Variants in LRFN2 observed in about 807,000 individuals in gnomAD.
LRFN2 encodes the protein leucine rich repeat and fibronectin type III domain containing 2.
A neutral mutation model predicts 37.3 loss-of-function variants in LRFN2; 18 were observed. That is an observed-to-expected ratio of 0.48 (90% CI 0.33 to 0.72). The LOEUF (loss-of-function observed/expected upper bound fraction) is 0.72, where lower values mean the gene tolerates loss of function less well. Among genes scored for constraint, LRFN2 ranks in the 30% least tolerant of loss-of-function variants. The probability of loss-of-function intolerance (pLI) is 0.02; values close to 1 mark genes in which losing one functional copy is unlikely to be tolerated. For synonymous variants in LRFN2, 556 were observed against 466.6 expected (o/e 1.19, Z -2.47); for missense variants, 1,006 against 1,060.7 (o/e 0.95, Z 0.72).
chr6:40,425,368 C>T (rs1405816679), intron 2 of LRFN2, among the ~76,000 whole-genome samples: 5 of 152,216 alleles, frequency 3.3e-5, no homozygotes, highest in Non-Finnish European at 7.3e-5. Flanking sequence ...GGGATCATTC[C>T]AACATCACGC....
intron 1 of LRFN2, among the ~76,000 whole-genome samples, chr6:40,498,341 G>T (rs1356458268): frequency 6.6e-6 from 1 of 152,102 alleles, no homozygotes; most frequent in African/African-American, 2.4e-5. Context: ...TGGCTGAAGG[G>T]GTCTACAATT....
chr6:40,537,243 G>A (rs977512051), intron 1 of LRFN2, among the ~76,000 whole-genome samples: 39 of 152,336 alleles, frequency 2.6e-4, no homozygotes, highest in Middle Eastern at 3.4e-3. Context: ...TAAGGCCCAT[G>A]GGGGCAGGAA....
intron 1 of LRFN2, among the ~76,000 whole-genome samples, chr6:40,533,391 A>ACG (rs987949486): frequency 2.0e-5 from 3 of 151,684 alleles, no homozygotes; most frequent in African/African-American, 7.3e-5. Flanking sequence ...ACACACACAC[A>ACG]CACACACACA....
At chr6:40,436,314 TA>T (rs1763673989) in intron 1 of LRFN2, among the ~76,000 whole-genome samples, 1 of 152,220 alleles carries the variant, frequency 6.6e-6, no homozygotes, top group African/African-American at 2.4e-5. Flanking sequence ...TTTTTGTAAA[TA>T]AAATTTTATT....
Position 40,432,883 on chromosome 6 carries a change from C to A in LRFN2, c.231G>T (p.Gly77=). The change falls in exon 2 of 3, where the codon GGG becomes GGT. Residue 77 remains glycine (G), a synonymous_variant. Coordinates refer to ENST00000338305, the MANE Select transcript of LRFN2 (RefSeq NM_020737.3). The part of the protein sequence containing the change: ...ISRQDFANMT[G]LVDLTLSRNT... Reference sequence around the variant, plus strand: ...TCCTGGACAGGGTCAGGTCCACCAGCCCCGTCATGTTGGCAAAGTCCTGGC... The same window carrying A: ...TCCTGGACAGGGTCAGGTCCACCAGACCCGTCATGTTGGCAAAGTCCTGGC... The A allele has an allele frequency of 6.2e-7, 1 of 1,614,240 alleles. No homozygotes were observed. The highest frequency in any genetic ancestry group is 8.5e-7 in the Non-Finnish European group (1 of 1,180,050).
chr6:40,521,709 G>A (rs1215849310), intron 1 of LRFN2, among the ~76,000 whole-genome samples: 3 of 152,158 alleles, frequency 2.0e-5, no homozygotes, highest in African/African-American at 7.2e-5. Flanking sequence ...GGGCTGTACT[G>A]TATCACGTGC....
intron 1 of LRFN2, among the ~76,000 whole-genome samples, chr6:40,516,929 T>C (rs1379540038): frequency 1.3e-5 from 2 of 152,176 alleles, no homozygotes; most frequent in Non-Finnish European, 2.9e-5. Context: ...ATTCCTTCCA[T>C]AGCTATTTTT....
rs146375011 is a variant in LRFN2, at chr6:40,407,374, T to C, written c.1401-14462A>G. ...AAGGCTAGTTCTGCCCCCGACCAGATGTGTGACTGTAGACCATGTGACTTT... is the reference window on the plus strand; with the variant it reads ...AAGGCTAGTTCTGCCCCCGACCAGACGTGTGACTGTAGACCATGTGACTTT... On this transcript the variant is annotated intron_variant, in intron 2 of 2. Coordinates refer to ENST00000338305, the MANE Select transcript of LRFN2 (RefSeq NM_020737.3). Among the ~76,000 whole-genome samples, 305 of 152,346 alleles carry C rather than the reference T, an allele frequency of 2.0e-3. 1 individual carries two copies. The highest frequency in any genetic ancestry group is 7.1e-3 in the African/African-American group (297 of 41,572).
intron 1 of LRFN2, among the ~76,000 whole-genome samples, chr6:40,453,635 TA>T (rs899982037): frequency 1.1e-4 from 17 of 151,906 alleles, no homozygotes; most frequent in African/African-American, 3.9e-4. Context: ...TCCTCTGAGT[TA>T]AAAAGACACT....
chr6:40,518,496 C>T (rs541343197), intron 1 of LRFN2, among the ~76,000 whole-genome samples: 40 of 152,288 alleles, frequency 2.6e-4, no homozygotes, highest in South Asian at 1.9e-3. Context: ...TCCTATGCTG[C>T]TCCCTCCTTG....
chr6:40,542,595 C>T (rs1426541192), intron 1 of LRFN2, among the ~76,000 whole-genome samples: 5 of 152,084 alleles, frequency 3.3e-5, no homozygotes, highest in East Asian at 1.9e-4. Context: ...GGGCTCTGCA[C>T]CCTGGGCCTC....
At chr6:40,520,216 C>G (rs1326191664) in intron 1 of LRFN2, among the ~76,000 whole-genome samples, 1 of 152,034 alleles carries the variant, frequency 6.6e-6, no homozygotes, top group Non-Finnish European at 1.5e-5. Context: ...AAACAGGAAG[C>G]CCAGCCCGAG....
At chr6:40,556,752 C>T (rs559955738) in intron 1 of LRFN2, among the ~76,000 whole-genome samples, 7 of 110,636 alleles carry the variant, frequency 6.3e-5, no homozygotes, top group Admixed American at 8.5e-5. Context: ...CACACACACA[C>T]GCACACACTC....
At chr6:40,568,883 G>T (rs564088313) in intron 1 of LRFN2, among the ~76,000 whole-genome samples, 1 of 152,064 alleles carries the variant, frequency 6.6e-6, no homozygotes, top group Non-Finnish European at 1.5e-5. Context: ...CACCATGCCC[G>T]GCTAATTTTG....
chr6:40,532,785 G>A (rs1013208933), intron 1 of LRFN2, among the ~76,000 whole-genome samples: 1 of 152,178 alleles, frequency 6.6e-6, no homozygotes, highest in African/African-American at 2.4e-5. Context: ...CTCTCCAACT[G>A]GGATGGGAGC....
intron 1 of LRFN2, among the ~76,000 whole-genome samples, chr6:40,450,181 C>T (rs1321636311): frequency 3.3e-5 from 5 of 152,236 alleles, no homozygotes; most frequent in African/African-American, 1.2e-4. Context: ...CCTTACCCCA[C>T]CACTGACTTT....
chr6:40,485,987 C>G (rs915487665), intron 1 of LRFN2, among the ~76,000 whole-genome samples: 1 of 152,220 alleles, frequency 6.6e-6, no homozygotes, highest in African/African-American at 2.4e-5. Context: ...GGAACTCAGC[C>G]CCCACTGGAG....
chr6:40,516,891 T>A (rs889735946), intron 1 of LRFN2, among the ~76,000 whole-genome samples: 4 of 152,090 alleles, frequency 2.6e-5, no homozygotes, highest in African/African-American at 9.7e-5. Flanking sequence ...GCCAGGAAGG[T>A]CTCATCCTCA....
At chr6:40,531,867 A>C (rs985508666) in intron 1 of LRFN2, among the ~76,000 whole-genome samples, 1 of 152,058 alleles carries the variant, frequency 6.6e-6, no homozygotes, top group Non-Finnish European at 1.5e-5. Flanking sequence ...ATGCCCTGAC[A>C]CAACCCATCA....
Sources: gnomAD v4.1 joint callset for allele counts (sites outside exome capture counted in the v4.1 genomes callset) on GRCh38, gnomAD v4.1.1 for gene constraint, MANE v1.5 for transcripts, NCBI Gene and HGNC (gene_info 2026-07-23, HGNC 2026-07-21) for gene names.